The following CIMAP1D variants were observed in gnomAD, a reference collection of about 807,000 sequenced individuals.
CIMAP1D encodes the protein protein CIMAP1D.
At chr19:473,058 A>G in the CIMAP1D span, among the ~76,000 whole-genome samples, 1 of 122,912 alleles carries the variant, frequency 8.1e-6, no homozygotes, top group Admixed American at 9.5e-5. Context: ...AGGCAGAGAT[A>G]CACGGTCACA....
chr19:490,281 G>A, the CIMAP1D span: 5 of 278,496 alleles, frequency 1.8e-5, no homozygotes, highest in African/African-American at 4.4e-5. Context: ...ACTTGAACCC[G>A]TGAGGTGGAG....
chr19:463,650 C>T, the CIMAP1D span: 3 of 810,668 alleles, frequency 3.7e-6, no homozygotes, highest in South Asian at 1.8e-5. Flanking sequence ...TCACCCTGCA[C>T]CCTGCACAGG....
the CIMAP1D span, among the ~76,000 whole-genome samples, chr19:478,159 C>T: frequency 6.6e-6 from 1 of 152,176 alleles, no homozygotes; most frequent in African/African-American, 2.4e-5. Flanking sequence ...GAGGAAAGGC[C>T]CCAACCTCCC....
chr19:483,593 G>A, the CIMAP1D span, among the ~76,000 whole-genome samples: 3 of 152,222 alleles, frequency 2.0e-5, no homozygotes, highest in Non-Finnish European at 4.4e-5. Context: ...ACCTGTGGTC[G>A]TCACGACTGG....
the CIMAP1D span, among the ~76,000 whole-genome samples, chr19:488,715 GC>G: frequency 6.6e-6 from 1 of 152,124 alleles, no homozygotes; most frequent in Non-Finnish European, 1.5e-5. Context: ...GGGCCCTGCG[GC>G]CCCGACCCCC....
the CIMAP1D span, among the ~76,000 whole-genome samples, chr19:480,507 G>C: frequency 0.078 from 9,322 of 120,022 alleles, 1,967 homozygotes; most frequent in African/African-American, 0.34. Context: ...TGATGGAGAA[G>C]GATGATGGGG....
the CIMAP1D span, chr19:464,320 CCTT>C: frequency 5.5e-5 from 85 of 1,540,226 alleles, no homozygotes; most frequent in African/African-American, 1.1e-3. Flanking sequence ...ACAGGGGGCA[CCTT>C]CTCTGGGCTG....
the CIMAP1D span, among the ~76,000 whole-genome samples, chr19:471,805 C>T: frequency 1.1e-4 from 16 of 151,922 alleles, no homozygotes; most frequent in African/African-American, 3.9e-4. Context: ...TGCAGTGGCG[C>T]CATCTCGGCT....
the CIMAP1D span, among the ~76,000 whole-genome samples, chr19:488,948 A>AGGGCGTCCGCGCCGCCC: frequency 1.3e-5 from 2 of 149,582 alleles, no homozygotes; most frequent in African/African-American, 2.5e-5. Flanking sequence ...GACAGCCGCC[A>AGGGCGTCCGCGCCGCCC]GGGCGTCCGC....
At chr19:472,534 G>A in the CIMAP1D span, 5 of 1,444,614 alleles carry the variant, frequency 3.5e-6, no homozygotes, top group Admixed American at 2.2e-5. Flanking sequence ...CACCTCCTGG[G>A]CCCAGATTCC....
At chr19:474,421 GGACA>G in the CIMAP1D span, among the ~76,000 whole-genome samples, 13 of 152,324 alleles carry the variant, frequency 8.5e-5, no homozygotes, top group Admixed American at 1.3e-4. Context: ...AGCTTCCGTT[GGACA>G]GACACATACT....
the CIMAP1D span, among the ~76,000 whole-genome samples, chr19:485,839 G>A: frequency 2.2e-4 from 33 of 152,270 alleles, no homozygotes; most frequent in East Asian, 3.5e-3. Context: ...TGCTGCCACC[G>A]GCCCGTCCAG....
chr19:487,176 G>A, the CIMAP1D span, among the ~76,000 whole-genome samples: 2 of 152,246 alleles, frequency 1.3e-5, no homozygotes, highest in South Asian at 4.1e-4. Context: ...GGCTGGAGCT[G>A]CTCATGCCAG....
the CIMAP1D span, among the ~76,000 whole-genome samples, chr19:487,977 G>A: frequency 1.3e-5 from 2 of 152,060 alleles, no homozygotes; most frequent in Non-Finnish European, 2.9e-5. Context: ...GTTCTGTTCC[G>A]ATCTGATTGC....
At chr19:490,750 G>C in the CIMAP1D span, among the ~76,000 whole-genome samples, 1 of 152,196 alleles carries the variant, frequency 6.6e-6, no homozygotes. Context: ...GATCACTTGA[G>C]GTGGGGAGTT....
At chr19:463,462 G>A in the CIMAP1D span, 2 of 311,528 alleles carry the variant, frequency 6.4e-6, no homozygotes, top group East Asian at 7.9e-5. Flanking sequence ...GCTGGGACCG[G>A]GGCTAACCCA....
chr19:464,257 G>C, the CIMAP1D span: 3 of 1,536,010 alleles, frequency 2.0e-6, no homozygotes, highest in Non-Finnish European at 2.6e-6. Flanking sequence ...GTGTCCAGGG[G>C]CTTCAGGGGG....
At chr19:480,862 C>CAAT in the CIMAP1D span, among the ~76,000 whole-genome samples, 1 of 94,024 alleles carries the variant, frequency 1.1e-5, no homozygotes, top group African/African-American at 4.7e-5. Flanking sequence ...TGATGGAGAA[C>CAAT]GATGATGGAA....
the CIMAP1D span, among the ~76,000 whole-genome samples, chr19:466,785 A>AG: frequency 1.0e-5 from 1 of 99,972 alleles, no homozygotes; most frequent in Admixed American, 1.2e-4. Context: ...GAGTGGATTG[A>AG]TGGATGGGTA....
Sources: gnomAD v4.1 joint callset for allele counts (sites outside exome capture counted in the v4.1 genomes callset) on GRCh38, gnomAD v4.1.1 for gene constraint, MANE v1.5 for transcripts, NCBI Gene and HGNC (gene_info 2026-07-23, HGNC 2026-07-21) for gene names.